ADGRL3: variants seen among roughly 807,000 people sequenced by gnomAD.
The protein encoded by ADGRL3 is calcium-independent alpha-latrotoxin receptor 3.
ADGRL3 carries 62 observed loss-of-function variants against 153.5 expected under a neutral mutation model. The ratio of observed to expected loss-of-function variants is 0.40; its 90% CI spans 0.33 to 0.50. The LOEUF (loss-of-function observed/expected upper bound fraction) is 0.50. Among genes scored for constraint, ADGRL3 ranks in the 20% least tolerant of loss-of-function variants. The pLI is 0.47. For missense variants in ADGRL3, 1,641 were observed against 1,859.4 expected (o/e 0.88, Z 2.16); for synonymous variants, 710 against 672.5 (o/e 1.06, Z -0.86).
At chr4:61,626,336 A>G (rs2092826435) in intron 5 of ADGRL3, among the ~76,000 whole-genome samples, 1 of 151,916 alleles carries the variant, frequency 6.6e-6, no homozygotes, top group Non-Finnish European at 1.5e-5. Flanking sequence ...AATTCAGCCT[A>G]TTTCTTCAAA....
At chr4:61,569,814 A>T (rs2098831122) in intron 4 of ADGRL3, among the ~76,000 whole-genome samples, 1 of 152,168 alleles carries the variant, frequency 6.6e-6, no homozygotes, top group Non-Finnish European at 1.5e-5. Context: ...ATAACATAAG[A>T]TTAGCCAGTT....
intron 3 of ADGRL3, among the ~76,000 whole-genome samples, chr4:61,509,643 T>A (rs1174209502): frequency 6.6e-6 from 1 of 151,992 alleles, no homozygotes; most frequent in Non-Finnish European, 1.5e-5. Context: ...TATATATATA[T>A]AATTTTATTT....
intron 4 of ADGRL3, among the ~76,000 whole-genome samples, chr4:61,526,901 T>G (rs766223965): frequency 6.6e-6 from 1 of 152,142 alleles, no homozygotes; most frequent in African/African-American, 2.4e-5. Flanking sequence ...TATTTTCAAA[T>G]AGTCTATAGC....
chr4:61,416,372 G>A (rs560326277), intron 2 of ADGRL3, among the ~76,000 whole-genome samples: 1 of 150,372 alleles, frequency 6.7e-6, no homozygotes. Flanking sequence ...AAAGCAATTG[G>A]ACTGACATAT....
intron 6 of ADGRL3, among the ~76,000 whole-genome samples, chr4:61,724,215 AAGC>A (rs1298932449): frequency 6.6e-6 from 1 of 152,210 alleles, no homozygotes; most frequent in Non-Finnish European, 1.5e-5. Flanking sequence ...GTCATTGAAG[AAGC>A]AAATGTTGTA....
At chr4:61,232,956 C>T (rs1435531818) in intron 1 of ADGRL3, among the ~76,000 whole-genome samples, 1 of 152,088 alleles carries the variant, frequency 6.6e-6, no homozygotes. Context: ...TGCCTCCATG[C>T]CAGCTTAGAT....
intron 5 of ADGRL3, among the ~76,000 whole-genome samples, chr4:61,603,111 G>A (rs1404110595): frequency 6.6e-6 from 1 of 152,086 alleles, no homozygotes; most frequent in Non-Finnish European, 1.5e-5. Flanking sequence ...GTCTCACGGT[G>A]ACATTTCATT....
At chr4:61,815,306 A>G (rs1193812498) in intron 9 of ADGRL3, among the ~76,000 whole-genome samples, 1 of 152,220 alleles carries the variant, frequency 6.6e-6, no homozygotes, top group East Asian at 1.9e-4. Flanking sequence ...CCTGGATAAA[A>G]ACATGAAATA....
chr4:61,767,201 GCA>G (rs1451652829), intron 8 of ADGRL3, among the ~76,000 whole-genome samples: 2 of 152,018 alleles, frequency 1.3e-5, no homozygotes, highest in Non-Finnish European at 2.9e-5. Context: ...GGGAAGAAGA[GCA>G]GCAATGAGAT....
chr4:61,395,842 G>A, intron 2 of ADGRL3, among the ~76,000 whole-genome samples: 1 of 151,906 alleles, frequency 6.6e-6, no homozygotes, highest in South Asian at 2.1e-4. Context: ...AAACAATTTG[G>A]AAAATTTTGA....
rs1437608661 is a variant in ADGRL3, at chr4:62,077,283, A to G, written c.*6375A>G. The G allele has an allele frequency of 1.3e-5, 2 of 152,030 alleles. No homozygotes were observed. The highest frequency in any genetic ancestry group is 4.8e-5 in the African/African-American group (2 of 41,448). 9.4% of individuals were successfully genotyped at this position (152,030 alleles called of 1,614,324 possible). ...GATGATGCTCCACTCTTTGATCTAC[A>G]GACAAGGTTACAAAAGATTTACAAT... is the stretch of plus-strand genomic sequence containing the variant. On this transcript the variant is annotated 3_prime_UTR_variant, in exon 27 of 27. Transcript: ENST00000683033.
intron 1 of ADGRL3, among the ~76,000 whole-genome samples, chr4:61,332,585 A>G (rs936633177): frequency 1.3e-5 from 2 of 152,124 alleles, no homozygotes; most frequent in African/African-American, 4.8e-5. Flanking sequence ...CTTAATAATA[A>G]TAATTTATAG....
intron 6 of ADGRL3, among the ~76,000 whole-genome samples, chr4:61,712,336 T>A (rs1445966364): frequency 6.6e-6 from 1 of 151,942 alleles, no homozygotes; most frequent in Non-Finnish European, 1.5e-5. Context: ...GAGGCTACTG[T>A]GAGGCATGAT....
intron 2 of ADGRL3, among the ~76,000 whole-genome samples, chr4:61,477,996 C>T (rs1401785251): frequency 6.6e-6 from 1 of 151,926 alleles, no homozygotes; most frequent in Admixed American, 6.6e-5. Context: ...GGACTTCATA[C>T]TTTTTACATA....
intron 5 of ADGRL3, among the ~76,000 whole-genome samples, chr4:61,598,123 G>T (rs905046435): frequency 6.6e-6 from 1 of 151,682 alleles, no homozygotes; most frequent in African/African-American, 2.4e-5. Flanking sequence ...CCTTCAAATG[G>T]TTTATAGTAA....
intron 1 of ADGRL3, among the ~76,000 whole-genome samples, chr4:61,367,183 T>A (rs2096413394): frequency 6.6e-6 from 1 of 152,238 alleles, no homozygotes; most frequent in Non-Finnish European, 1.5e-5. Context: ...ATAGCAAATT[T>A]GGGATGTACA....
intron 17 of ADGRL3, among the ~76,000 whole-genome samples, chr4:61,970,623 G>A (rs2099023537): frequency 1.3e-5 from 2 of 152,098 alleles, no homozygotes; most frequent in African/African-American, 4.8e-5. Context: ...GCTCTTAAGA[G>A]CACACACTTG....
At chr4:61,523,777 T>C (rs1249810575) in intron 4 of ADGRL3, among the ~76,000 whole-genome samples, 1 of 152,104 alleles carries the variant, frequency 6.6e-6, no homozygotes, top group Non-Finnish European at 1.5e-5. Flanking sequence ...ATTTCCAGAA[T>C]AGTATAAGCT....
At position 61,330,723 on chromosome 4, in the gene ADGRL3, G is replaced by A. The variant is rs537519619; in HGVS notation, c.-239-52401G>A. On this transcript the variant is annotated intron_variant, in intron 1 of 26. Coordinates refer to ENST00000683033, the MANE Select transcript of ADGRL3 (RefSeq NM_001387552.1). ...AGCGAAAGAACAAAGCTTCCACTGC[G>A]TGGAAAGGGACCCCAGCAGGTTGCC... 3.6e-4 allele frequency among the ~76,000 whole-genome samples: 55 copies of A among 152,240 alleles called. No individual in the cohort carries two copies. The East Asian group carries it at 5.8e-3, about 16-fold the overall frequency.
Sources: gnomAD v4.1 joint callset for allele counts (sites outside exome capture counted in the v4.1 genomes callset) on GRCh38, gnomAD v4.1.1 for gene constraint, MANE v1.5 for transcripts, NCBI Gene and HGNC (gene_info 2026-07-23, HGNC 2026-07-21) for gene names.